Variants in SEC14L1 observed in about 807,000 individuals in gnomAD.
SEC14L1 encodes SEC14-like protein 1.
A neutral mutation model predicts 85.3 loss-of-function variants in SEC14L1; 48 were observed. The observed-to-expected ratio is 0.56, with a 90% confidence interval of 0.45 to 0.72. SEC14L1 has a LOEUF of 0.72. Ranked by LOEUF, SEC14L1 falls within the 30% of genes least tolerant of loss-of-function variation. The pLI is 0.00. For missense variants in SEC14L1, 682 were observed against 921.4 expected, an observed-to-expected ratio of 0.74 and a Z score of 3.36; for synonymous variants, 391 against 355.5, an observed-to-expected ratio of 1.10 and a Z score of -1.12.
upstream of SEC14L1, among the ~76,000 whole-genome samples, chr17:77,136,933 G>C (rs1291644551): frequency 2.0e-5 from 3 of 148,732 alleles, no homozygotes; most frequent in African/African-American, 7.4e-5. Context: ...TTTTGAGACA[G>C]AGTTTCGCTC....
At chr17:77,169,007 C>CTTTTTTTTTT (rs71160208) in intron 3 of SEC14L1, among the ~76,000 whole-genome samples, 1 of 77,846 alleles carries the variant, frequency 1.3e-5, no homozygotes, top group Non-Finnish European at 2.4e-5. Flanking sequence ...TGAGGAGCAT[C>CTTTTTTTTTT]TTTTTTTTTT....
At chr17:77,125,138 G>A (rs1167853768) in intron 3 of SEC14L1, among the ~76,000 whole-genome samples, 1 of 151,670 alleles carries the variant, frequency 6.6e-6, no homozygotes, top group Non-Finnish European at 1.5e-5. Flanking sequence ...CCAAGCAGCT[G>A]GGACTACAGG....
chr17:77,203,811 A>G (rs747583255), intron 10 of SEC14L1, among the ~76,000 whole-genome samples, 153 bp downstream of exon 10: 1 of 152,066 alleles, frequency 6.6e-6, no homozygotes, highest in Non-Finnish European at 1.5e-5. Context: ...TAAAATTTCA[A>G]AAGGAGACAC....
chr17:77,211,810 AGATCC>A, intron 14 of SEC14L1, 135 bp from the exon 15 acceptor site: 1 of 1,045,116 alleles, frequency 9.6e-7, no homozygotes, highest in Admixed American at 2.2e-5. Context: ...CTGGGGAAAG[AGATCC>A]GTCCATACGC....
At chr17:77,193,681 C>T (rs2034302521) in intron 6 of SEC14L1, 132 bp downstream of exon 6, 3 of 915,194 alleles carry the variant, frequency 3.3e-6, no homozygotes, top group Admixed American at 2.4e-5. Flanking sequence ...ATGATCCCTA[C>T]CCCCTGCCTC....
At chr17:77,184,676 A>C (rs1054589709) in intron 3 of SEC14L1, among the ~76,000 whole-genome samples, 5 of 152,126 alleles carry the variant, frequency 3.3e-5, no homozygotes, top group Admixed American at 1.3e-4. Flanking sequence ...CTTGTAATCA[A>C]CCGCACGGAT....
chr17:77,209,479 A>C lies in SEC14L1; in HGVS notation c.1611+3A>C. Reference sequence around the variant, plus strand: ...TCTTCAAAGGAGCCCCACATGAGGTACGTCCTCCGCCTTCCTGCACCTGGG... The same window carrying C: ...TCTTCAAAGGAGCCCCACATGAGGTCCGTCCTCCGCCTTCCTGCACCTGGG... On this transcript the variant is annotated splice_donor_region_variant and intron_variant, in intron 14 of 16. Coordinates refer to ENST00000436233, the MANE Select transcript of SEC14L1 (RefSeq NM_001143998.2). The C allele has an allele frequency of 6.2e-7, 1 of 1,613,608 alleles. No homozygotes were observed. The highest frequency in any genetic ancestry group is 8.5e-7 in the Non-Finnish European group (1 of 1,179,942).
rs553918955 is a variant in SEC14L1 at position 77,159,385 on chromosome 17, T to C, written c.63+15726T>C. 3.2e-3 allele frequency among the ~76,000 whole-genome samples: 470 copies of C among 144,696 alleles called. 2 individuals are homozygous for C. Among genetic ancestry groups the C allele is most frequent in the Non-Finnish European group, 5.7e-3 (377 of 65,638 alleles). The allele number at this position is 144,696 out of a possible 152,430, so 94.9% of individuals were successfully genotyped here. On this transcript the variant is annotated intron_variant, in intron 3 of 16. Coordinates refer to ENST00000436233, the MANE Select transcript of SEC14L1 (RefSeq NM_001143998.2). The stretch of plus-strand genomic sequence containing the variant: ...CCCGGCCTCTTTTCTTCTTCTTCTT[T>C]TTTTTTTTTTTTTGAGACAGAGTCT...
chr17:77,196,053 C>G (rs1975792880), intron 7 of SEC14L1, 149 bp from the exon 8 acceptor site: 1 of 622,078 alleles, frequency 1.6e-6, no homozygotes, highest in Admixed American at 2.9e-5. Context: ...CTCAAGTCCT[C>G]TAAGGAATCT....
intron 3 of SEC14L1, among the ~76,000 whole-genome samples, chr17:77,146,496 C>G (rs1471121080): frequency 6.6e-6 from 1 of 152,200 alleles, no homozygotes; most frequent in Non-Finnish European, 1.5e-5. Flanking sequence ...TACAGAAGAA[C>G]TCGAAATTCA....
chr17:77,159,823 A>C (rs1973983345), intron 3 of SEC14L1, among the ~76,000 whole-genome samples: 1 of 152,218 alleles, frequency 6.6e-6, no homozygotes, highest in Non-Finnish European at 1.5e-5. Context: ...TTAACAAAGA[A>C]AGAATAGCAT....
intron 5 of SEC14L1, among the ~76,000 whole-genome samples, chr17:77,191,611 C>T (rs1043384687): frequency 1.9e-4 from 29 of 152,092 alleles, no homozygotes; most frequent in African/African-American, 5.1e-4. Flanking sequence ...GGTGCAATCT[C>T]GGCTCACTGC....
intron 3 of SEC14L1, among the ~76,000 whole-genome samples, chr17:77,167,280 A>G (rs1486552222): frequency 6.6e-6 from 1 of 151,606 alleles, no homozygotes; most frequent in Admixed American, 6.6e-5. Context: ...GATTACAAGC[A>G]CGCAGTACTA....
At position 77,189,907 on chromosome 17, in the gene SEC14L1, C is replaced by T. The variant is rs982022013; in HGVS notation, c.64-896C>T. Reference sequence around the variant, plus strand: ...ACTCCCAAAGTGCTGAGATTACAAGCGTGAGCCACCGCGCCCGGCCTTAAC... The same window carrying T: ...ACTCCCAAAGTGCTGAGATTACAAGTGTGAGCCACCGCGCCCGGCCTTAAC... On this transcript the variant is annotated intron_variant, in intron 3 of 16. Transcript: ENST00000436233. 4.6e-5 allele frequency among the ~76,000 whole-genome samples: 7 copies of T among 152,314 alleles called. 1 individual carries two copies. The highest frequency in any genetic ancestry group is 1.5e-5 in the Non-Finnish European group (1 of 68,018).
chr17:77,206,952 C>T lies in SEC14L1; in HGVS notation c.1476+90C>T, dbSNP rs1976491851. The T allele has an allele frequency of 9.9e-6, 13 of 1,311,020 alleles. No homozygotes were observed. Among genetic ancestry groups the T allele is most frequent in the Non-Finnish European group, 1.3e-5 (13 of 978,982 alleles). 81.2% of individuals were successfully genotyped at this position (1,311,020 alleles called of 1,614,324 possible). A position where few individuals can be genotyped will look rare whatever the true frequency, so the allele number is the denominator to read the frequency against. On this transcript the variant is annotated intron_variant, in intron 13 of 16. Transcript: ENST00000436233. The surrounding 1 kb of genome is among the most constrained non-coding windows in gnomAD (Gnocchi z 4.3). ...TTTGCACAAATGATTTTCAGAACTTCCAGTTGTTTGGATGTTTTGTTTTTG... is the reference window on the plus strand; with the variant it reads ...TTTGCACAAATGATTTTCAGAACTTTCAGTTGTTTGGATGTTTTGTTTTTG...
chr17:77,153,711 T>C (rs1176153776), intron 3 of SEC14L1, among the ~76,000 whole-genome samples: 3 of 152,062 alleles, frequency 2.0e-5, no homozygotes, highest in Admixed American at 6.6e-5. Flanking sequence ...AGGTGTCCAG[T>C]TGTGCTGGGC....
intron 3 of SEC14L1, chr17:77,143,947 G>A: frequency 3.5e-6 from 1 of 287,454 alleles, no homozygotes; most frequent in Non-Finnish European, 6.4e-6. Flanking sequence ...TCTTCCTCGG[G>A]GTTGTGCTCT....
At chr17:77,120,162 G>A (rs1972261492) in intron 3 of SEC14L1, among the ~76,000 whole-genome samples, 1 of 152,050 alleles carries the variant, frequency 6.6e-6, no homozygotes, top group African/African-American at 2.4e-5. Context: ...CCTTGAGCTC[G>A]GGAGTTCAAG....
chr17:77,128,007 A>ATG (rs1358578660), intron 3 of SEC14L1: 5 of 152,204 alleles, frequency 3.3e-5, no homozygotes, highest in Non-Finnish European at 7.3e-5. Context: ...CTCTGCCGAC[A>ATG]CTTTGATTTC....
Sources: allele counts gnomAD v4.1 joint callset (sites outside exome capture counted in the v4.1 genomes callset), GRCh38; gene constraint gnomAD v4.1.1; non-coding constraint Gnocchi (gnomAD v3.1); transcripts MANE v1.5; gene names NCBI Gene and HGNC (gene_info 2026-07-23, HGNC 2026-07-21).